GRIP1: variants seen among roughly 807,000 people sequenced by gnomAD.
The protein encoded by GRIP1 is glutamate receptor interacting protein 1, also known as glutamate receptor-interacting protein 1.
In GRIP1, 45 loss-of-function variants were observed where a neutral mutation model predicts 129.9. The observed-to-expected ratio is 0.35, with a 90% CI of 0.27 to 0.44. The LOEUF (loss-of-function observed/expected upper bound fraction) is 0.44. Among genes scored for constraint, GRIP1 ranks in the 20% least tolerant of loss-of-function variants. The probability of loss-of-function intolerance (pLI) is 1.00; values close to 1 mark genes in which losing one functional copy is unlikely to be tolerated. For missense variants in GRIP1, 1,196 were observed against 1,396.8 expected (o/e 0.86, Z 2.29); for synonymous variants, 530 against 520.8 (o/e 1.02, Z -0.24).
At chr12:66,858,994 G>A (rs2040053946) in intron 1 of GRIP1, among the ~76,000 whole-genome samples, 1 of 151,828 alleles carries the variant, frequency 6.6e-6, no homozygotes, top group Non-Finnish European at 1.5e-5. Flanking sequence ...TACCCATCAT[G>A]ACTAGGCTTT....
In GRIP1 at chr12:66,414,292, C is replaced by T. The variant is rs115589012; in HGVS notation, c.1838+6428G>A. Among the ~76,000 whole-genome samples, 370 of 152,198 alleles carry T rather than the reference C, an allele frequency of 2.4e-3. 4 individuals are homozygous for T. The highest frequency in any genetic ancestry group is 8.6e-3 in the African/African-American group (359 of 41,516). ...TGCAGAAATCACTAACATTCTTATA[C>T]ACCAACAATAGGCAAGCAGAGAGCC... On this transcript the variant is annotated intron_variant, in intron 15 of 24. Coordinates refer to ENST00000359742, the MANE Select transcript of GRIP1 (RefSeq NM_001366722.1).
chr12:66,909,206 A>T (rs984260159), intron 1 of GRIP1, among the ~76,000 whole-genome samples: 4 of 152,108 alleles, frequency 2.6e-5, no homozygotes, highest in Admixed American at 2.0e-4. Flanking sequence ...ATTATGATGC[A>T]TTAGTTCCTA....
At chr12:66,658,268 C>G (rs907404141) in intron 1 of GRIP1, among the ~76,000 whole-genome samples, 6 of 152,176 alleles carry the variant, frequency 3.9e-5, no homozygotes, top group Admixed American at 2.6e-4. Context: ...GAACTTAATG[C>G]AACCTAAGCT....
At chr12:66,351,795 T>A (rs2054238689) in intron 24 of GRIP1, among the ~76,000 whole-genome samples, 1 of 152,164 alleles carries the variant, frequency 6.6e-6, no homozygotes, top group African/African-American at 2.4e-5. Context: ...GTTTTCAATT[T>A]GGCTGCTCAC....
At chr12:67,011,203 A>G (rs571557980) in intron 1 of GRIP1, among the ~76,000 whole-genome samples, 1 of 152,040 alleles carries the variant, frequency 6.6e-6, no homozygotes, top group Non-Finnish European at 1.5e-5. Context: ...CGGAGTTCCC[A>G]TCTCATAAAC....
chr12:67,017,989 G>C (rs1036927208), intron 1 of GRIP1, among the ~76,000 whole-genome samples: 1 of 152,198 alleles, frequency 6.6e-6, no homozygotes, highest in Admixed American at 6.5e-5. Flanking sequence ...TTCTGAGGTG[G>C]TTTGTTACAC....
chr12:66,489,536 T>C (rs545059884), intron 7 of GRIP1, among the ~76,000 whole-genome samples: 2 of 152,136 alleles, frequency 1.3e-5, no homozygotes, highest in African/African-American at 2.4e-5. Flanking sequence ...GCTGGAAGCA[T>C]TCACCTTAAA....
At chr12:66,763,904 G>A (rs79473077) in intron 1 of GRIP1, among the ~76,000 whole-genome samples, 1,992 of 152,308 alleles carry the variant, frequency 0.013, 53 homozygotes, top group African/African-American at 0.046. Flanking sequence ...CTTCCCACTT[G>A]TATTCAAGTG....
At chr12:66,414,916 C>T (rs1249272480) in intron 15 of GRIP1, among the ~76,000 whole-genome samples, 2 of 121,268 alleles carry the variant, frequency 1.6e-5, no homozygotes, top group East Asian at 5.1e-4. Flanking sequence ...AAACTGGACC[C>T]CTTCCTTACA....
chr12:66,731,359 T>C (rs1484350165), intron 1 of GRIP1, among the ~76,000 whole-genome samples: 1 of 152,180 alleles, frequency 6.6e-6, no homozygotes, highest in Non-Finnish European at 1.5e-5. Context: ...ATTTTTGACA[T>C]TTGACTTTTT....
At chr12:66,417,909 A>G (rs182222838) in intron 15 of GRIP1, among the ~76,000 whole-genome samples, 1 of 152,282 alleles carries the variant, frequency 6.6e-6, no homozygotes, top group East Asian at 1.9e-4. Context: ...AATACCAATG[A>G]CAGTCTTCAC....
At chr12:67,033,070 G>C (rs2043045819) in intron 1 of GRIP1, among the ~76,000 whole-genome samples, 2 of 151,856 alleles carry the variant, frequency 1.3e-5, no homozygotes. Context: ...AGTAGCAATG[G>C]GTATGGGTTG....
At chr12:66,803,184 T>C (rs1189733282) in intron 1 of GRIP1, among the ~76,000 whole-genome samples, 5 of 152,206 alleles carry the variant, frequency 3.3e-5, no homozygotes, top group African/African-American at 4.8e-5. Context: ...CGAATTAGAA[T>C]TGAAATATAA....
chr12:66,712,110 G>T (rs954714550), intron 1 of GRIP1, among the ~76,000 whole-genome samples: 2 of 151,798 alleles, frequency 1.3e-5, no homozygotes, highest in African/African-American at 4.8e-5. Flanking sequence ...AATCATATAC[G>T]TTTCTTAACA....
chr12:66,420,089 C>T (rs1020422403), intron 15 of GRIP1, among the ~76,000 whole-genome samples: 1 of 152,060 alleles, frequency 6.6e-6, no homozygotes, highest in Admixed American at 6.6e-5. Flanking sequence ...ACAGGTGACA[C>T]TCGGTCTCAA....
At chr12:66,639,538 T>G (rs11176352) in intron 1 of GRIP1, among the ~76,000 whole-genome samples, 29,908 of 151,960 alleles carry the variant, frequency 0.2, 3,037 homozygotes, top group Non-Finnish European at 0.23. Context: ...AAGGATTGGA[T>G]AGCAAGTGGA....
chr12:66,758,928 T>C (rs1026457164), intron 1 of GRIP1, among the ~76,000 whole-genome samples: 2 of 152,122 alleles, frequency 1.3e-5, no homozygotes, highest in African/African-American at 4.8e-5. Context: ...TGGGCTGGCA[T>C]TGAGTGTCTG....
At chr12:66,822,654 T>C (rs942017432) in intron 1 of GRIP1, among the ~76,000 whole-genome samples, 7 of 152,092 alleles carry the variant, frequency 4.6e-5, no homozygotes, top group African/African-American at 1.2e-4. Context: ...CTATACACCA[T>C]GGAATACTAT....
At chr12:66,531,268 T>A (rs1391295391) in intron 4 of GRIP1, among the ~76,000 whole-genome samples, 2 of 10,378 alleles carry the variant, frequency 1.9e-4, no homozygotes, top group South Asian at 9.1e-3. Context: ...TATATATATA[T>A]ATATATATAT....
Sources: gnomAD v4.1 joint callset for allele counts (sites outside exome capture counted in the v4.1 genomes callset) on GRCh38, gnomAD v4.1.1 for gene constraint, MANE v1.5 for transcripts, NCBI Gene and HGNC (gene_info 2026-07-23, HGNC 2026-07-21) for gene names.